The following NRG1 variants were observed in gnomAD, a reference collection of about 807,000 sequenced individuals.
The protein encoded by NRG1 is neuregulin 1, also known as pro-neuregulin-1, membrane-bound isoform.
Under a neutral mutation model 63.8 loss-of-function variants are expected in NRG1, and 18 were observed. The ratio of observed to expected loss-of-function variants is 0.28; its 90% CI spans 0.19 to 0.42. NRG1 has a LOEUF of 0.42. Ranked by LOEUF, NRG1 falls within the 10% of genes least tolerant of loss-of-function variation. NRG1 has a pLI of 1.00. For missense variants in NRG1, 762 were observed against 814.7 expected, an observed-to-expected ratio of 0.94 and a Z score of 0.79; for synonymous variants, 302 against 301.3, an observed-to-expected ratio of 1.00 and a Z score of -0.02.
intron 1 of NRG1, among the ~76,000 whole-genome samples, chr8:31,698,336 T>C (rs1447925388): frequency 6.6e-6 from 1 of 152,214 alleles, no homozygotes; most frequent in Non-Finnish European, 1.5e-5. Context: ...TTGTGATTTA[T>C]GACCATTTAC....
Position 32,185,214 on chromosome 8 carries a change from G to A in NRG1, c.38-410614G>A, listed in dbSNP as rs563065604. Among the ~76,000 whole-genome samples, 10 of 152,278 alleles carry A rather than the reference G, an allele frequency of 6.6e-5. No homozygotes were observed. In the East Asian group the frequency reaches 1.2e-3, roughly 18 times the overall value. On this transcript the variant is annotated intron_variant, in intron 1 of 10. Transcript: ENST00000519301. ...TCTTCAGTACTTGAGGCATTAACCT[G>A]CAGAACCATAACACCGTGAATATAG... is the stretch of plus-strand genomic sequence containing the variant.
At position 31,947,909 on chromosome 8, in the gene NRG1, C is replaced by T. The variant is rs180763657; in HGVS notation, c.37+308478C>T. Among the ~76,000 whole-genome samples the T allele has an allele frequency of 1.4e-3, 195 of 135,418 alleles. 1 individual carries two copies. In the Middle Eastern group the frequency reaches 0.017, roughly 12 times the overall value. 88.8% of individuals were successfully genotyped at this position (135,418 alleles called of 152,430 possible). A position where few individuals can be genotyped will look rare whatever the true frequency, so the allele number is the denominator to read the frequency against. On this transcript the variant is annotated intron_variant, in intron 1 of 10. Transcript: ENST00000519301. ...GCAGTGAGCCAAGATCATGCCACTGCGCTCCAGCTTGGGCTACAGAGTGAG... is the reference window on the plus strand; with the variant it reads ...GCAGTGAGCCAAGATCATGCCACTGTGCTCCAGCTTGGGCTACAGAGTGAG...
intron 1 of NRG1, among the ~76,000 whole-genome samples, chr8:32,231,979 C>T (rs978049966): frequency 1.3e-5 from 2 of 152,078 alleles, no homozygotes; most frequent in Admixed American, 6.5e-5. Context: ...TCACAGCTCA[C>T]TGCAGCCTCA....
intron 1 of NRG1, among the ~76,000 whole-genome samples, chr8:31,721,611 T>A (rs1812925515): frequency 6.6e-6 from 1 of 152,186 alleles, no homozygotes; most frequent in African/African-American, 2.4e-5. Flanking sequence ...AAACTAAGGC[T>A]ATATCATGGC....
Position 32,358,935 on chromosome 8 carries a change from T to C in NRG1, c.38-236893T>C, listed in dbSNP as rs549485315. Among the ~76,000 whole-genome samples, 4 of 152,236 alleles carry C rather than the reference T, an allele frequency of 2.6e-5. No individual in the cohort carries two copies. The South Asian group carries it at 8.3e-4, about 32-fold the overall frequency. On this transcript the variant is annotated intron_variant, in intron 1 of 10. Transcript: ENST00000519301. ...ATTCAGAGTCACAAATTCTAAGAAATCATGGGGCAGAGGGCAGGGGTGAGG... is the reference window on the plus strand; with the variant it reads ...ATTCAGAGTCACAAATTCTAAGAAACCATGGGGCAGAGGGCAGGGGTGAGG...
chr8:31,708,666 C>T (rs1163796471), intron 1 of NRG1, among the ~76,000 whole-genome samples: 8 of 151,778 alleles, frequency 5.3e-5, no homozygotes, highest in African/African-American at 1.7e-4. Flanking sequence ...GGGATGGTCT[C>T]GATCTCCTGA....
At chr8:32,286,412 C>T (rs1853528695) in intron 1 of NRG1, among the ~76,000 whole-genome samples, 1 of 152,212 alleles carries the variant, frequency 6.6e-6, no homozygotes, top group African/African-American at 2.4e-5. Context: ...GGCTGACTAT[C>T]AGCCAGGGCT....
At chr8:32,374,082 T>C (rs1432961910) in intron 1 of NRG1, among the ~76,000 whole-genome samples, 1 of 152,154 alleles carries the variant, frequency 6.6e-6, no homozygotes, top group Admixed American at 6.5e-5. Context: ...AAAAGAAAGG[T>C]TGAAACTTCA....
chr8:32,047,208 T>C (rs1821153391), intron 1 of NRG1, among the ~76,000 whole-genome samples: 1 of 152,058 alleles, frequency 6.6e-6, no homozygotes, highest in Admixed American at 6.6e-5. Context: ...ATGTGATTGG[T>C]TGGAACTTTA....
intron 5 of NRG1, among the ~76,000 whole-genome samples, chr8:32,725,253 A>G (rs1242354720): frequency 6.6e-6 from 1 of 151,962 alleles, no homozygotes; most frequent in African/African-American, 2.4e-5. Context: ...ATCTTTAGCA[A>G]CCTGTCAGAG....
intron 1 of NRG1, among the ~76,000 whole-genome samples, chr8:32,097,652 TGAG>T (rs1830060325): frequency 1.3e-5 from 2 of 152,232 alleles, no homozygotes; most frequent in East Asian, 3.9e-4. Context: ...GTACAAAAGA[TGAG>T]GAGAAGTTAG....
chr8:31,695,179 T>A (rs551234795), intron 1 of NRG1, among the ~76,000 whole-genome samples: 1 of 152,114 alleles, frequency 6.6e-6, no homozygotes, highest in Non-Finnish European at 1.5e-5. Flanking sequence ...TTTATTTATT[T>A]ATTTTTTTGA....
At chr8:31,831,751 A>G (rs2129605937) in intron 1 of NRG1, among the ~76,000 whole-genome samples, 1 of 152,234 alleles carries the variant, frequency 6.6e-6, no homozygotes, top group African/African-American at 2.4e-5. Context: ...CTCTCCTCCC[A>G]CAAGCAAGTT....
intron 1 of NRG1, among the ~76,000 whole-genome samples, chr8:32,353,645 G>A (rs77568730): frequency 0.022 from 3,417 of 152,306 alleles, 42 homozygotes; most frequent in Non-Finnish European, 0.035. Context: ...CAGAATGTCT[G>A]AGATTAAAAT....
chr8:31,728,101 A>G (rs7818919), intron 1 of NRG1, among the ~76,000 whole-genome samples: 1,722 of 152,312 alleles, frequency 0.011, 27 homozygotes, highest in African/African-American at 0.039. Flanking sequence ...AATTTTCCAC[A>G]TAATAGTTTC....
intron 1 of NRG1, among the ~76,000 whole-genome samples, chr8:32,464,159 G>T (rs1468784689): frequency 6.6e-6 from 1 of 151,730 alleles, no homozygotes; most frequent in Non-Finnish European, 1.5e-5. Context: ...CCCCCAGAGT[G>T]CTGGGATTAC....
intron 5 of NRG1, among the ~76,000 whole-genome samples, chr8:32,634,191 T>TA (rs1850896738): frequency 1.3e-5 from 2 of 150,752 alleles, no homozygotes; most frequent in Admixed American, 1.3e-4. Flanking sequence ...CATACATTCT[T>TA]AAAAATAAAT....
chr8:32,552,505 C>T (rs1308136080), intron 1 of NRG1, among the ~76,000 whole-genome samples: 2 of 152,098 alleles, frequency 1.3e-5, no homozygotes, highest in Non-Finnish European at 2.9e-5. Flanking sequence ...TCCCCAATGA[C>T]ATCACCCACC....
intron 1 of NRG1, among the ~76,000 whole-genome samples, chr8:32,396,472 G>A (rs1018810724): frequency 2.6e-5 from 4 of 152,092 alleles, no homozygotes; most frequent in African/African-American, 9.7e-5. Context: ...TTTAGAGATG[G>A]AGTTTTGTTC....
Sources: allele counts gnomAD v4.1 joint callset (sites outside exome capture counted in the v4.1 genomes callset), GRCh38; gene constraint gnomAD v4.1.1; transcripts MANE v1.5; gene names NCBI Gene and HGNC (gene_info 2026-07-23, HGNC 2026-07-21).